Variants in DEXI observed in about 807,000 individuals in gnomAD.
The protein encoded by DEXI is dexamethasone-induced protein.
DEXI carries 2 observed loss-of-function variants against 2.5 expected under a neutral mutation model. That is an observed-to-expected ratio of 0.81 (90% confidence interval 0.33 to 2.55). The LOEUF (loss-of-function observed/expected upper bound fraction) is 2.55. DEXI is among the 30% of genes most tolerant of loss of function. The pLI is 0.11. For synonymous variants in DEXI, 71 were observed against 68.7 expected (o/e 1.03, Z -0.17); for missense variants, 108 against 130.3 (o/e 0.83, Z 0.83).
intron 1 of DEXI, chr16:10,935,339 A>C (rs1296851177): frequency 6.6e-6 from 1 of 152,228 alleles, no homozygotes; most frequent in Non-Finnish European, 1.5e-5. Flanking sequence ...TGGTGCTGGT[A>C]TATCTTATGT....
chr16:10,935,651 C>A (rs915566847), intron 1 of DEXI: 10 of 152,248 alleles, frequency 6.6e-5, no homozygotes, highest in Admixed American at 3.3e-4. Context: ...CCTTCACCAA[C>A]TGATCAAAGT....
In DEXI at chr16:10,937,526, C is replaced by T. The variant is rs1051214075; in HGVS notation, c.*149+4043G>A. The T allele has an allele frequency of 6.6e-6, 1 of 152,232 alleles. No individual in the cohort carries two copies. Among genetic ancestry groups the T allele is most frequent in the Admixed American group, 6.5e-5 (1 of 15,290 alleles). 9.4% of individuals were successfully genotyped at this position (152,232 alleles called of 1,614,324 possible). On this transcript the variant is annotated intron_variant, in intron 1 of 1. Transcript: ENST00000331808. This position sits in a 1 kb window ranked among gnomAD's most constrained non-coding sequence, Gnocchi z 4.2. Reference sequence around the variant, plus strand: ...CCTGGAATAAGATAGACCAATGCATCGATAACCCTCAGCTCCAAATCTGAG... The same window carrying T: ...CCTGGAATAAGATAGACCAATGCATTGATAACCCTCAGCTCCAAATCTGAG...
At position 10,940,067 on chromosome 16, in the gene DEXI, C is replaced by G. The variant is rs2041080799; in HGVS notation, c.*149+1502G>C. The G allele has an allele frequency of 6.6e-6, 1 of 152,264 alleles. No homozygotes were observed. The highest frequency in any genetic ancestry group is 1.5e-5 in the Non-Finnish European group (1 of 68,064). The allele number at this position is 152,264 out of a possible 1,614,324, so 9.4% of individuals were successfully genotyped here. On this transcript the variant is annotated intron_variant, in intron 1 of 1. Coordinates refer to ENST00000331808, the MANE Select transcript of DEXI (RefSeq NM_014015.4). The surrounding 1 kb of genome is among the most constrained non-coding windows in gnomAD (Gnocchi z 4.2). ...AAGATGTTACTGAGCTCAACTGAAGCTTTTTCTTCAAAGAAATCTCACTGT... is the reference window on the plus strand; with the variant it reads ...AAGATGTTACTGAGCTCAACTGAAGGTTTTTCTTCAAAGAAATCTCACTGT...
intron 1 of DEXI, chr16:10,932,115 G>A (rs1160251546): frequency 5.3e-5 from 8 of 152,230 alleles, no homozygotes; most frequent in East Asian, 3.8e-4. Context: ...ACAGTGAGTC[G>A]AGGACAGGGA....
In DEXI at chr16:10,937,460, G is replaced by C. The variant is rs1336657316; in HGVS notation, c.*149+4109C>G. 6.6e-6 allele frequency: 1 copy of C among 152,432 alleles called. No individual in the cohort carries two copies. Among genetic ancestry groups the C allele is most frequent in the African/African-American group, 2.4e-5 (1 of 41,462 alleles). The allele number at this position is 152,432 out of a possible 1,614,324, so 9.4% of individuals were successfully genotyped here. A position where few individuals can be genotyped will look rare whatever the true frequency, so the allele number is the denominator to read the frequency against. ...GGAGGGACCAGGTTAGGAAGGAGCA[G>C]CTGTGGTTCCTAGTTGGGAGATAAC... On this transcript the variant is annotated intron_variant, in intron 1 of 1. Transcript: ENST00000331808. This position sits in a 1 kb window ranked among gnomAD's most constrained non-coding sequence, Gnocchi z 4.2.
chr16:10,932,094 C>T (rs911220884), intron 1 of DEXI: 1 of 152,154 alleles, frequency 6.6e-6, no homozygotes, highest in Non-Finnish European at 1.5e-5. Context: ...GTGACCTCTG[C>T]CTGAAGTCAC....
chr16:10,942,295 G>C lies in DEXI; in HGVS notation c.-290C>G. 3.3e-6 allele frequency: 1 copy of C among 307,512 alleles called. No individual in the cohort carries two copies. Among genetic ancestry groups the C allele is most frequent in the Non-Finnish European group, 6.0e-6 (1 of 165,824 alleles). The allele number at this position is 307,512 out of a possible 1,614,324, so 19.0% of individuals were successfully genotyped here. ...CCCGGCTCCCTCGTGGCGCCTCCCT[G>C]GCGCTCGCAGGGCCTCGCAGAGCCG... On this transcript the variant is annotated 5_prime_UTR_variant, in exon 1 of 2. Transcript: ENST00000331808. The surrounding 1 kb of genome is among the most constrained non-coding windows in gnomAD (Gnocchi z 5.0).
chr16:10,932,816 T>G (rs1185898334), intron 1 of DEXI: 1 of 151,268 alleles, frequency 6.6e-6, no homozygotes, highest in East Asian at 1.9e-4. Flanking sequence ...GCCTCCTGAG[T>G]AGCTGGGACT....
rs747792368 is a variant in DEXI, at chr16:10,941,901, G to A, written c.105C>T (p.Phe35=). The A allele has an allele frequency of 3.1e-6, 5 of 1,608,920 alleles. No homozygotes were observed. The highest frequency in any genetic ancestry group is 1.1e-5 in the South Asian group (1 of 90,560). Residue 35 remains phenylalanine, a synonymous_variant, in exon 1 of 2, where the codon TTC becomes TTT. Transcript: ENST00000331808. The surrounding 1 kb of genome is among the most constrained non-coding windows in gnomAD (Gnocchi z 6.4). ...CGTAGTACAGGATCAGCACATTGACGAAGAACAGGCCCACGTAGAACATAG... is the reference window on the plus strand; with the variant it reads ...CGTAGTACAGGATCAGCACATTGACAAAGAACAGGCCCACGTAGAACATAG... ...LPSMFYVGLF[F]VNVLILYYAF... is the part of the protein sequence containing the mutation.
At chr16:10,932,971 G>C (rs540568452) in intron 1 of DEXI, 1 of 152,180 alleles carries the variant, frequency 6.6e-6, no homozygotes, top group Non-Finnish European at 1.5e-5. Flanking sequence ...GTCCTGAGCT[G>C]TATGCAGCCT....
At chr16:10,936,318 AT>A (rs2041020022) in intron 1 of DEXI, 1 of 152,156 alleles carries the variant, frequency 6.6e-6, no homozygotes. Context: ...AGATTTGCTG[AT>A]TTTGACAACC....
In DEXI at chr16:10,941,804, C is replaced by G. The variant is rs972512520; in HGVS notation, c.202G>C (p.Val68Leu). 6.2e-7 allele frequency: 1 copy of G among 1,613,600 alleles called. No individual in the cohort carries two copies. Among genetic ancestry groups the G allele is most frequent in the East Asian group, 2.2e-5 (1 of 44,890 alleles). Residue 68 changes from valine (V) to leucine (L), a missense_variant, in exon 1 of 2, where the codon GTG (valine) becomes CTG (leucine). Physicochemically the swap from Val to Leu is conservative, Grantham distance 32. Transcript: ENST00000331808. This position sits in a 1 kb window ranked among gnomAD's most constrained non-coding sequence, Gnocchi z 6.4. ...FLPEDMDQAL[V>L]DLGVLSDPGS... is the part of the protein sequence containing the mutation. ...GGGTCGGAGAGCACGCCGAGGTCCA[C>G]GAGCGCCTGGTCCATGTCCTCGGGC... is the stretch of plus-strand genomic sequence containing the variant.
intron 1 of DEXI, chr16:10,933,476 G>C (rs1278780404): frequency 6.6e-6 from 1 of 152,274 alleles, no homozygotes; most frequent in Non-Finnish European, 1.5e-5. Context: ...TGCTGATTGT[G>C]GTTCTGCCCC....
Position 10,934,469 on chromosome 16 carries a change from G to A in DEXI, c.*150-4910C>T, listed in dbSNP as rs12051301. 150,155 of 152,342 alleles carry A rather than the reference G, an allele frequency of 0.99. 74,027 individuals carry two copies. Among genetic ancestry groups the A allele is most frequent in the Middle Eastern group, 1 (296 of 296 alleles). The allele number at this position is 152,342 out of a possible 1,614,324, so 9.4% of individuals were successfully genotyped here. ...TGCTCAGGGGGTGTCGGGGCCCTGA[G>A]AGCTGATCTGATCCGCTGCTGCGTA... is the stretch of plus-strand genomic sequence containing the variant. On this transcript the variant is annotated intron_variant, in intron 1 of 1. Transcript: ENST00000331808. The surrounding 1 kb of genome is among the most constrained non-coding windows in gnomAD (Gnocchi z 4.2).
Position 10,929,168 on chromosome 16 carries a change from C to G in DEXI, c.*541G>C. On this transcript the variant is annotated 3_prime_UTR_variant, in exon 2 of 2. Transcript: ENST00000331808. The surrounding 1 kb of genome is among the most constrained non-coding windows in gnomAD (Gnocchi z 4.3). The stretch of plus-strand genomic sequence containing the variant: ...GTCACCCCTGAAACAGTCGCTGCAT[C>G]TAAGACCAGCCTCGGGCTAAACCCA... 1 of 975,014 alleles carries G rather than the reference C, an allele frequency of 1.0e-6. No homozygotes were observed. The highest frequency in any genetic ancestry group is 1.2e-6 in the Non-Finnish European group (1 of 820,168). 60.4% of individuals were successfully genotyped at this position (975,014 alleles called of 1,614,324 possible).
chr16:10,935,341 A>G (rs1238737755), intron 1 of DEXI: 2 of 152,232 alleles, frequency 1.3e-5, no homozygotes, highest in African/African-American at 4.8e-5. Context: ...GTGCTGGTAT[A>G]TCTTATGTTT....
chr16:10,940,997 C>A lies in DEXI; in HGVS notation c.*149+572G>T, dbSNP rs368177289. 9 of 152,380 alleles carry A rather than the reference C, an allele frequency of 5.9e-5. No homozygotes were observed. In the East Asian group the frequency reaches 1.7e-3, roughly 29 times the overall value. 9.4% of individuals were successfully genotyped at this position (152,380 alleles called of 1,614,324 possible). ...AGCTGGGGCACCCTGAAACCTGACT[C>A]CAAAATAGCAGCAAACCCAAGGCCA... is the stretch of plus-strand genomic sequence containing the variant. On this transcript the variant is annotated intron_variant, in intron 1 of 1. Transcript: ENST00000331808. This position sits in a 1 kb window ranked among gnomAD's most constrained non-coding sequence, Gnocchi z 4.2.
rs1262807271 is a variant in DEXI, at chr16:10,929,775, A to G, written c.*150-216T>C. On this transcript the variant is annotated intron_variant, in intron 1 of 1. Coordinates refer to ENST00000331808, the MANE Select transcript of DEXI (RefSeq NM_014015.4). This position sits in a 1 kb window ranked among gnomAD's most constrained non-coding sequence, Gnocchi z 4.3. ...AAAACTCTTTTTAATGAATTTGCCTAATTTCTCAGAGACCCTGGGCTGGAG... is the reference window on the plus strand; with the variant it reads ...AAAACTCTTTTTAATGAATTTGCCTGATTTCTCAGAGACCCTGGGCTGGAG... The G allele has an allele frequency of 6.3e-6, 1 of 159,612 alleles. No individual in the cohort carries two copies. Among genetic ancestry groups the G allele is most frequent in the East Asian group, 1.9e-4 (1 of 5,224 alleles). 9.9% of individuals were successfully genotyped at this position (159,612 alleles called of 1,614,324 possible).
chr16:10,941,578 A>G lies in DEXI; in HGVS notation c.*140T>C. The G allele has an allele frequency of 6.9e-7, 1 of 1,457,742 alleles. No individual in the cohort carries two copies. Among genetic ancestry groups the G allele is most frequent in the Non-Finnish European group, 9.1e-7 (1 of 1,104,192 alleles). 90.3% of individuals were successfully genotyped at this position (1,457,742 alleles called of 1,614,324 possible). On this transcript the variant is annotated 3_prime_UTR_variant, in exon 1 of 2. Transcript: ENST00000331808. This position sits in a 1 kb window ranked among gnomAD's most constrained non-coding sequence, Gnocchi z 6.4. ...CAGAGAGGGCACTTACAGGCCTCGGAGGCAGGGGAGGGTCTCCTCCTGGGG... is the reference window on the plus strand; with the variant it reads ...CAGAGAGGGCACTTACAGGCCTCGGGGGCAGGGGAGGGTCTCCTCCTGGGG...
Sources: allele counts gnomAD v4.1 joint callset, GRCh38; gene constraint gnomAD v4.1.1; non-coding constraint Gnocchi (gnomAD v3.1); transcripts MANE v1.5; gene names NCBI Gene and HGNC (gene_info 2026-07-23, HGNC 2026-07-21).